The following DDX11 variants were observed in gnomAD, a reference collection of about 807,000 sequenced individuals.
The protein encoded by DDX11 is DEAD/H-box helicase 11, also known as ATP-dependent DNA helicase DDX11.
A neutral mutation model predicts 125.2 loss-of-function variants in DDX11; 72 were observed. That is an observed-to-expected ratio of 0.58 (90% CI 0.48 to 0.70). The LOEUF (loss-of-function observed/expected upper bound fraction) is 0.70, where lower values mean the gene tolerates loss of function less well. DDX11 is among the 30% of genes least tolerant of loss of function. The probability of loss-of-function intolerance (pLI) is 0.00; values close to 1 mark genes in which losing one functional copy is unlikely to be tolerated. For synonymous variants in DDX11, 347 were observed against 452.6 expected (o/e 0.77, Z 2.96); for missense variants, 883 against 1,165.0 (o/e 0.76, Z 3.52).
At chr12:31,090,595 C>T (rs1944035927) in intron 9 of DDX11, among the ~76,000 whole-genome samples, 1 of 152,200 alleles carries the variant, frequency 6.6e-6, no homozygotes, top group African/African-American at 2.4e-5. Context: ...CTCAACTTCT[C>T]TTGATTTTTA....
intron 20 of DDX11, chr12:31,101,432 G>A (rs1359362174): frequency 1.5e-5 from 8 of 521,964 alleles, no homozygotes; most frequent in Middle Eastern, 1.1e-3. Flanking sequence ...TTGCCCTTTG[G>A]TTATATCTGC....
At chr12:31,078,120 C>T (rs1941060699) in intron 1 of DDX11, 3 of 1,156,810 alleles carry the variant, frequency 2.6e-6, no homozygotes, top group African/African-American at 1.5e-5. Context: ...ATCGGAGCCA[C>T]GGTGAAATGC....
intron 11 of DDX11, 102 bp from the exon 12 acceptor site, chr12:31,093,143 G>C (rs1301443229): frequency 2.3e-6 from 3 of 1,302,324 alleles, no homozygotes; most frequent in Admixed American, 2.0e-5. Context: ...TGTAGCTTGT[G>C]ACCCAGTTTG....
At chr12:31,102,885 A>C (rs1419489651) in intron 23 of DDX11, 51 bp from the exon 24 acceptor site, 1 of 1,561,452 alleles carries the variant, frequency 6.4e-7, no homozygotes, top group Non-Finnish European at 8.8e-7. Flanking sequence ...GTGGGTGATG[A>C]CCCGGGAGGT....
intron 18 of DDX11, among the ~76,000 whole-genome samples, chr12:31,100,074 A>C (rs1182580585): frequency 6.6e-6 from 1 of 152,180 alleles, no homozygotes; most frequent in Non-Finnish European, 1.5e-5. Flanking sequence ...GCATGATTAC[A>C]GGGAAAGGTC....
At chr12:31,076,107 C>G (rs915427627) in intron 1 of DDX11, among the ~76,000 whole-genome samples, 2 of 152,156 alleles carry the variant, frequency 1.3e-5, no homozygotes, top group Non-Finnish European at 2.9e-5. Context: ...AGTGCTCTGT[C>G]TTGAGAGGAG....
intron 19 of DDX11, 110 bp downstream of exon 19, chr12:31,100,817 G>GGGT (rs1946245111): frequency 1.5e-6 from 2 of 1,293,314 alleles, no homozygotes; most frequent in South Asian, 2.6e-5. Flanking sequence ...GGAGACCCCG[G>GGGT]GGTGGGAGCC....
rs150002506 is a variant in DDX11, at chr12:31,078,432, T to G, written c.39T>G (p.Phe13Leu). The change falls in exon 2 of 27, where the codon TTT becomes TTG. Residue 13 changes from phenylalanine (F) to leucine (L), a missense_variant. Coordinates refer to ENST00000542838, the MANE Select transcript of DDX11 (RefSeq NM_030653.4). Reference sequence around the variant, plus strand: ...CACAGAAGGTTGGTGCCATCCATTTTCCTTTTCCCTTCACACCCTATTCCA... The same window carrying G: ...CACAGAAGGTTGGTGCCATCCATTTGCCTTTTCCCTTCACACCCTATTCCA... ...NETQKVGAIH[F>L]PFPFTPYSIQ... 1 of 1,610,316 alleles carries G rather than the reference T, an allele frequency of 6.2e-7. No individual in the cohort carries two copies. Among genetic ancestry groups the G allele is most frequent in the South Asian group, 1.1e-5 (1 of 90,924 alleles).
intron 18 of DDX11, among the ~76,000 whole-genome samples, chr12:31,098,546 C>T (rs566342901): frequency 4.0e-3 from 600 of 150,952 alleles, no homozygotes; most frequent in Middle Eastern, 0.014. Flanking sequence ...AGCTGCTTCT[C>T]TCTTGTTAGG....
At position 31,086,595 on chromosome 12, in the gene DDX11, C is replaced by T. The variant is rs147271476; in HGVS notation, c.639-1343C>T. On this transcript the variant is annotated intron_variant, in intron 5 of 26. Transcript: ENST00000542838. Reference sequence around the variant, plus strand: ...CGCCTCCGAGGTCATGTTTCTGCTCCCTCTCTTCTCCCTTAGAGCCCGTGG... The same window carrying T: ...CGCCTCCGAGGTCATGTTTCTGCTCTCTCTCTTCTCCCTTAGAGCCCGTGG... Among the ~76,000 whole-genome samples the T allele has an allele frequency of 7.4e-4, 112 of 152,298 alleles. 1 individual carries two copies. The East Asian group carries it at 0.019, about 26-fold the overall frequency.
chr12:31,094,478 T>C, intron 12 of DDX11, 112 bp from the exon 13 acceptor site: 4 of 1,532,892 alleles, frequency 2.6e-6, no homozygotes, highest in Non-Finnish European at 3.5e-6. Flanking sequence ...ACAAAGCCAT[T>C]TAAATACAGA....
intron 5 of DDX11, chr12:31,086,344 A>G: frequency 5.3e-6 from 2 of 374,392 alleles, no homozygotes; most frequent in South Asian, 4.0e-5. Flanking sequence ...TTATAGTTTG[A>G]TGTTCCCAGA....
rs572550243 is a variant in DDX11, at chr12:31,085,220, T to C, written c.638+94T>C. ...CATGCCACAGATGCCATGAAGCACC[T>C]GGCAAGAGGCATGGTGGCCTCTGCC... On this transcript the variant is annotated intron_variant, in intron 5 of 26. Coordinates refer to ENST00000542838, the MANE Select transcript of DDX11 (RefSeq NM_030653.4). The C allele has an allele frequency of 4.4e-5, 64 of 1,464,114 alleles. No homozygotes were observed. The South Asian group carries it at 7.1e-4, about 16-fold the overall frequency. The allele number at this position is 1,464,114 out of a possible 1,614,324, so 90.7% of individuals were successfully genotyped here.
At position 31,078,441 on chromosome 12, in the gene DDX11, C is replaced by G; in HGVS notation, c.48C>G (p.Pro16=). The G allele has an allele frequency of 6.2e-7, 1 of 1,610,438 alleles. No homozygotes were observed. ...QKVGAIHFPF[P]FTPYSIQEDF... The stretch of plus-strand genomic sequence containing the variant: ...TTGGTGCCATCCATTTTCCTTTTCC[C>G]TTCACACCCTATTCCATCCAGGAAG... The change falls in exon 2 of 27, where the codon CCC becomes CCG. Residue 16 remains proline, a synonymous_variant. Transcript: ENST00000542838.
chr12:31,089,164 C>T lies in DDX11; in HGVS notation c.792+13C>T. 1 of 1,607,272 alleles carries T rather than the reference C, an allele frequency of 6.2e-7. No homozygotes were observed. The highest frequency in any genetic ancestry group is 1.1e-5 in the South Asian group (1 of 90,910). On this transcript the variant is annotated intron_variant, in intron 7 of 26. Transcript: ENST00000542838. ...TGGCTCCCGGCAGGTAAACAGTAGC[C>T]AGTATTTCCACCAGGGGCCATCCTG...
At position 31,103,556 on chromosome 12, in the gene DDX11, C is replaced by T. The variant is rs1162538041; in HGVS notation, c.2537-21C>T. 2.5e-6 allele frequency: 4 copies of T among 1,613,670 alleles called. No homozygotes were observed. In the Admixed American group the frequency reaches 5.0e-5, roughly 20 times the overall value. Reference sequence around the variant, plus strand: ...GGGGAGGCAGGTGTTGCTCGGAGCCCCAGCCTCTGTTCCTATGCAGGCAGG... The same window carrying T: ...GGGGAGGCAGGTGTTGCTCGGAGCCTCAGCCTCTGTTCCTATGCAGGCAGG... On this transcript the variant is annotated intron_variant, in intron 25 of 26. Transcript: ENST00000542838.
At chr12:31,087,730 C>G (rs1943407352) in intron 5 of DDX11, 2 of 829,794 alleles carry the variant, frequency 2.4e-6, no homozygotes, top group Admixed American at 4.1e-5. Context: ...CTCCTTTTTA[C>G]ATTTCCCTAC....
In DDX11 at chr12:31,077,788, G is replaced by C. The variant is rs1294835686; in HGVS notation, c.-4-602G>C. Among the ~76,000 whole-genome samples, 3 of 151,690 alleles carry C rather than the reference G, an allele frequency of 2.0e-5. No individual in the cohort carries two copies. In the East Asian group the frequency reaches 5.8e-4, roughly 29 times the overall value. On this transcript the variant is annotated intron_variant, in intron 1 of 26. Transcript: ENST00000542838. Reference sequence around the variant, plus strand: ...GAACCCGGGAGGCGGAGCGTGCAGTGAGCCGAGATTGCGCCACTGCACTCC... The same window carrying C: ...GAACCCGGGAGGCGGAGCGTGCAGTCAGCCGAGATTGCGCCACTGCACTCC...
chr12:31,077,661 C>A (rs1006980016), intron 1 of DDX11, among the ~76,000 whole-genome samples: 1 of 151,930 alleles, frequency 6.6e-6, no homozygotes, highest in Non-Finnish European at 1.5e-5. Context: ...TCCTGGCTAA[C>A]ACGGTGAAAC....
Sources: gnomAD v4.1 joint callset for allele counts (sites outside exome capture counted in the v4.1 genomes callset) on GRCh38, gnomAD v4.1.1 for gene constraint, MANE v1.5 for transcripts, NCBI Gene and HGNC (gene_info 2026-07-23, HGNC 2026-07-21) for gene names.